FBXO33: variants seen among roughly 807,000 people sequenced by gnomAD.
FBXO33 encodes F-box only protein 33.
Under a neutral mutation model 46.3 loss-of-function variants are expected in FBXO33, and 22 were observed. The ratio of observed to expected loss-of-function variants is 0.48; its 90% CI spans 0.34 to 0.68. FBXO33 has a LOEUF of 0.68. FBXO33 is among the 30% of genes least tolerant of loss of function. The probability of loss-of-function intolerance (pLI) is 0.01; values close to 1 mark genes in which losing one functional copy is unlikely to be tolerated. For synonymous variants in FBXO33, 337 were observed against 291.3 expected (o/e 1.16, Z -1.60); for missense variants, 692 against 708.8 (o/e 0.98, Z 0.27).
chr14:39,401,290 TTAAAA>T lies in FBXO33; in HGVS notation c.1277_1281del (p.Ile426AsnfsTer3). The T allele has an allele frequency of 6.2e-7, 1 of 1,614,114 alleles. No homozygotes were observed. On this transcript the variant is annotated frameshift_variant, in exon 3 of 4. Transcript: ENST00000298097. LOFTEE classifies it high-confidence loss of function. ...CCAGATGTGTCAATCACATCATTCA[TTAAAA>T]TAAAATGAGTGAGGAACTTGTCATA...
chr14:39,404,545 G>C (rs1379424061), intron 1 of FBXO33, among the ~76,000 whole-genome samples: 14 of 152,074 alleles, frequency 9.2e-5, no homozygotes, highest in Non-Finnish European at 1.2e-4. Flanking sequence ...CCAGGATGGT[G>C]TCGATCTCCT....
intron 1 of FBXO33, among the ~76,000 whole-genome samples, chr14:39,416,668 C>A (rs527535564): frequency 2.2e-4 from 34 of 152,180 alleles, no homozygotes; most frequent in Middle Eastern, 6.8e-3. Context: ...TTCTTCAGCA[C>A]CAGTATTTGT....
At chr14:39,418,639 G>A (rs2075462153) in intron 1 of FBXO33, among the ~76,000 whole-genome samples, 2 of 151,384 alleles carry the variant, frequency 1.3e-5, no homozygotes, top group South Asian at 4.2e-4. Flanking sequence ...GCCAGGCGTG[G>A]TGGCGGGTCC....
At chr14:39,427,268 C>G (rs1363249908) in intron 1 of FBXO33, among the ~76,000 whole-genome samples, 2 of 152,148 alleles carry the variant, frequency 1.3e-5, no homozygotes, top group African/African-American at 4.8e-5. Context: ...TCATAACAGC[C>G]TTCCAGGAGG....
intron 1 of FBXO33, among the ~76,000 whole-genome samples, chr14:39,430,093 T>TG (rs1271694273): frequency 6.6e-6 from 1 of 152,240 alleles, no homozygotes; most frequent in Non-Finnish European, 1.5e-5. Context: ...CCCTCAACCT[T>TG]GGTCTCATTA....
At chr14:39,425,897 G>A (rs947962502) in intron 1 of FBXO33, among the ~76,000 whole-genome samples, 3 of 152,152 alleles carry the variant, frequency 2.0e-5, no homozygotes, top group African/African-American at 7.2e-5. Context: ...ATATTTGACA[G>A]TACAACATTA....
intron 1 of FBXO33, among the ~76,000 whole-genome samples, chr14:39,425,785 A>T (rs1013152736): frequency 2.6e-5 from 4 of 152,212 alleles, no homozygotes; most frequent in Non-Finnish European, 4.4e-5. Flanking sequence ...GTCACTAGCC[A>T]TATGTGACTA....
chr14:39,403,700 C>T (rs2075379374), intron 1 of FBXO33, among the ~76,000 whole-genome samples: 1 of 151,880 alleles, frequency 6.6e-6, no homozygotes, highest in Admixed American at 6.5e-5. Context: ...TAATAACGAA[C>T]TAGATATTTC....
chr14:39,430,468 T>C (rs1464951093), intron 1 of FBXO33, among the ~76,000 whole-genome samples: 2 of 152,216 alleles, frequency 1.3e-5, no homozygotes, highest in African/African-American at 4.8e-5. Flanking sequence ...GTATATTTAC[T>C]GCAAAAGGAC....
At chr14:39,399,834 T>C (rs780686690) in intron 3 of FBXO33, 47 bp from the exon 4 acceptor site, 5 of 1,472,772 alleles carry the variant, frequency 3.4e-6, no homozygotes, top group South Asian at 1.5e-5. Context: ...TGCATTTCCT[T>C]TTCTCTTTGG....
Position 39,431,821 on chromosome 14 carries a change from G to A in FBXO33, c.342C>T (p.Cys114=), listed in dbSNP as rs759274454. 3 of 1,609,762 alleles carry A rather than the reference G, an allele frequency of 1.9e-6. No homozygotes were observed. Among genetic ancestry groups the A allele is most frequent in the East Asian group, 4.5e-5 (2 of 44,854 alleles). ...YPALWPQLRI[C]LRVSPAEQPR... is the part of the protein sequence containing the mutation. ...GCTGCTCCGCGGGCGAGACGCGGAG[G>A]CAGATGCGGAGCTGGGGCCACAGGG... is the stretch of plus-strand genomic sequence containing the variant. Residue 114 remains cysteine, a synonymous_variant, in exon 1 of 4, where the codon TGC becomes TGT. Coordinates refer to ENST00000298097, the MANE Select transcript of FBXO33 (RefSeq NM_203301.4).
chr14:39,427,035 C>T (rs146725976), intron 1 of FBXO33, among the ~76,000 whole-genome samples: 123 of 152,306 alleles, frequency 8.1e-4, no homozygotes, highest in Non-Finnish European at 1.4e-3. Context: ...CTATAACTAT[C>T]ATTTTAGCTC....
chr14:39,422,193 G>T (rs895628001), intron 1 of FBXO33, among the ~76,000 whole-genome samples: 1 of 152,214 alleles, frequency 6.6e-6, no homozygotes, highest in Non-Finnish European at 1.5e-5. Context: ...GGGAGGCGGA[G>T]GTTGCAGTGA....
Position 39,432,135 on chromosome 14 carries a change from G to T in FBXO33, c.28C>A (p.Pro10Thr), listed in dbSNP as rs200716973. The T allele has an allele frequency of 8.1e-7, 1 of 1,240,582 alleles. No homozygotes were observed. The highest frequency in any genetic ancestry group is 1.0e-6 in the Non-Finnish European group (1 of 993,514). 76.8% of individuals were successfully genotyped at this position (1,240,582 alleles called of 1,614,324 possible). The part of the protein sequence containing the change: MLLFLSVPQ[P>T]RPPGARTRAG... ...CGGGTTCGAGCTCCCGGCGGTCGGG[G>T]CTGCGGCACTGACAAGAACAACAAC... Residue 10 changes from proline to threonine, a missense_variant, in exon 1 of 4, where the codon CCC becomes ACC. Around this residue, in one of 3 missense-constraint regions of FBXO33, gnomAD observed 412 missense variants for 370.8 expected, o/e 1.11. Coordinates refer to ENST00000298097, the MANE Select transcript of FBXO33 (RefSeq NM_203301.4).
intron 1 of FBXO33, among the ~76,000 whole-genome samples, chr14:39,422,083 C>A (rs575443162): frequency 3.3e-5 from 5 of 152,204 alleles, no homozygotes; most frequent in African/African-American, 1.2e-4. Flanking sequence ...CATGGTGAAA[C>A]CCCGTCTTTA....
intron 1 of FBXO33, among the ~76,000 whole-genome samples, chr14:39,416,346 C>T (rs193228223): frequency 1.3e-5 from 2 of 151,814 alleles, no homozygotes; most frequent in Admixed American, 1.3e-4. Flanking sequence ...TTGGTGTAGA[C>T]CATTTTGGGT....
At chr14:39,407,434 C>T (rs894539213) in intron 1 of FBXO33, among the ~76,000 whole-genome samples, 1 of 152,190 alleles carries the variant, frequency 6.6e-6, no homozygotes, top group Non-Finnish European at 1.5e-5. Flanking sequence ...ATTTTATACT[C>T]ATTGATTAAC....
At chr14:39,430,025 A>G (rs1331952477) in intron 1 of FBXO33, among the ~76,000 whole-genome samples, 4 of 152,344 alleles carry the variant, frequency 2.6e-5, no homozygotes, top group South Asian at 4.1e-4. Context: ...TGGTTGCATA[A>G]AAGTGCAATT....
intron 1 of FBXO33, among the ~76,000 whole-genome samples, chr14:39,419,917 G>A (rs1183732676): frequency 6.6e-6 from 1 of 152,170 alleles, no homozygotes; most frequent in East Asian, 1.9e-4. Flanking sequence ...ATATCACAAA[G>A]TCATAAACAG....
Sources: gnomAD v4.1 joint callset for allele counts (sites outside exome capture counted in the v4.1 genomes callset) on GRCh38, gnomAD v4.1.1 for gene constraint, gnomAD v4.1.1 regional missense constraint, MANE v1.5 for transcripts, NCBI Gene and HGNC (gene_info 2026-07-23, HGNC 2026-07-21) for gene names.